Variants in TNFAIP2 observed in about 807,000 individuals in gnomAD.
TNFAIP2 encodes the protein TNF alpha induced protein 2.
A neutral mutation model predicts 63.5 loss-of-function variants in TNFAIP2; 47 were observed. The ratio of observed to expected loss-of-function variants is 0.74; its 90% confidence interval spans 0.59 to 0.94. The LOEUF is 0.94. Ranked by LOEUF, TNFAIP2 falls within the 40% of genes least tolerant of loss-of-function variation. TNFAIP2 has a pLI of 0.00. For missense variants in TNFAIP2, 787 were observed against 850.2 expected, an observed-to-expected ratio of 0.93 and a Z score of 0.92; for synonymous variants, 405 against 390.2, an observed-to-expected ratio of 1.04 and a Z score of -0.45.
chr14:103,130,995 C>T, intron 6 of TNFAIP2, 57 bp from the exon 7 acceptor site: 1 of 1,571,520 alleles, frequency 6.4e-7, no homozygotes, highest in Non-Finnish European at 8.7e-7. Context: ...AGGGAGGCTG[C>T]TGCTGTGGTC....
At position 103,127,651 on chromosome 14, in the gene TNFAIP2, C is replaced by A. The variant is rs1312784018; in HGVS notation, c.860+22C>A. On this transcript the variant is annotated intron_variant, in intron 3 of 11. Transcript: ENST00000560869. The surrounding 1 kb of genome is among the most constrained non-coding windows in gnomAD (Gnocchi z 5.1). ...CCAAGTGAGCAGACCAGGGGCTGGGCCCGGGCCGGCAGGGAGGGTGTCCTC... is the reference window on the plus strand; with the variant it reads ...CCAAGTGAGCAGACCAGGGGCTGGGACCGGGCCGGCAGGGAGGGTGTCCTC... 2.1e-6 allele frequency: 3 copies of A among 1,443,942 alleles called. No individual in the cohort carries two copies. The highest frequency in any genetic ancestry group is 2.7e-6 in the Non-Finnish European group (3 of 1,096,040). 89.4% of individuals were successfully genotyped at this position (1,443,942 alleles called of 1,614,324 possible). A position where few individuals can be genotyped will look rare whatever the true frequency, so the allele number is the denominator to read the frequency against.
upstream of TNFAIP2, among the ~76,000 whole-genome samples, chr14:103,123,171 T>C (rs1424727168): frequency 6.6e-6 from 1 of 151,932 alleles, no homozygotes; most frequent in Non-Finnish European, 1.5e-5. Flanking sequence ...GCTCCGCGCC[T>C]GACAACCCCG....
Position 103,131,991 on chromosome 14 carries a change from CGCCTGGGGCTGGG to C in TNFAIP2, c.1422+230_1422+242del, listed in dbSNP as rs2087985832. On this transcript the variant is annotated intron_variant, in intron 8 of 11. Transcript: ENST00000560869. The surrounding 1 kb of genome is among the most constrained non-coding windows in gnomAD (Gnocchi z 4.0). Reference sequence around the variant, plus strand: ...TCCTGGGGTTTCACCTGAGAGGGGCCGCCTGGGGCTGGGAGGGGCCGCCTGGGGCTGGGAGGGG... The same window carrying C: ...TCCTGGGGTTTCACCTGAGAGGGGCCAGGGGCCGCCTGGGGCTGGGAGGGG... 3.8e-4 allele frequency among the ~76,000 whole-genome samples: 2 copies of C among 5,332 alleles called. No individual in the cohort carries two copies. The highest frequency in any genetic ancestry group is 8.5e-4 in the Non-Finnish European group (2 of 2,354). 3.5% of individuals were successfully genotyped at this position (5,332 alleles called of 152,430 possible).
At chr14:103,128,480 A>G (rs1053700038) in intron 3 of TNFAIP2, among the ~76,000 whole-genome samples, 3 of 152,120 alleles carry the variant, frequency 2.0e-5, no homozygotes, top group Non-Finnish European at 2.9e-5. Context: ...GGAAAGGCCC[A>G]GGGCGGGGGA....
In TNFAIP2 at chr14:103,131,448, C is replaced by T. The variant is rs1385761824; in HGVS notation, c.1299-191C>T. Among the ~76,000 whole-genome samples the T allele has an allele frequency of 1.3e-5, 2 of 152,128 alleles. No individual in the cohort carries two copies. The highest frequency in any genetic ancestry group is 2.1e-4 in the South Asian group (1 of 4,828). ...AAACCACTGGAGGAGGCTCACTTGCCCCCAGTTACAAGGGGATGTAGTGGA... is the reference window on the plus strand; with the variant it reads ...AAACCACTGGAGGAGGCTCACTTGCTCCCAGTTACAAGGGGATGTAGTGGA... On this transcript the variant is annotated intron_variant, in intron 7 of 11. Transcript: ENST00000560869. The surrounding 1 kb of genome is among the most constrained non-coding windows in gnomAD (Gnocchi z 4.0).
At position 103,126,531 on chromosome 14, in the gene TNFAIP2, A is replaced by G; in HGVS notation, c.74A>G (p.Glu25Gly). The G allele has an allele frequency of 6.3e-7, 1 of 1,580,394 alleles. No individual in the cohort carries two copies. Among genetic ancestry groups the G allele is most frequent in the Admixed American group, 1.8e-5 (1 of 54,766 alleles). Residue 25 changes from glutamate to glycine, a missense_variant, in exon 2 of 12, where the codon GAG (glutamate) becomes GGG (glycine). Physicochemically the swap from Glu to Gly is moderately conservative, Grantham distance 98. Transcript: ENST00000560869. ...AGAAPYREEE[E>G]AAKKKKEKKK... ...GCAGCCCCATATAGGGAGGAGGAAG[A>G]GGCGGCGAAGAAGAAGAAGGAGAAG...
intron 3 of TNFAIP2, among the ~76,000 whole-genome samples, chr14:103,128,848 G>T (rs890081543): frequency 1.3e-5 from 2 of 152,218 alleles, no homozygotes; most frequent in Non-Finnish European, 2.9e-5. Flanking sequence ...CAGTGACCTC[G>T]GGGTCTGCTG....
At chr14:103,122,629 G>A (rs1453946768), upstream of TNFAIP2, 1 of 455,930 alleles carries the variant, frequency 2.2e-6, no homozygotes, top group Non-Finnish European at 4.4e-6. Context: ...GGTGTGGATG[G>A]GGAGACAGGC....
At chr14:103,133,542 A>G in intron 10 of TNFAIP2, 25 bp downstream of exon 10, 1 of 1,609,558 alleles carries the variant, frequency 6.2e-7, no homozygotes, top group Non-Finnish European at 8.5e-7. Context: ...ACCTCTCCCA[A>G]GCCCCTCTGA....
chr14:103,129,614 G>A, intron 3 of TNFAIP2, 126 bp from the exon 4 acceptor site: 1 of 740,520 alleles, frequency 1.4e-6, no homozygotes, highest in Admixed American at 2.4e-5. Context: ...GACCGGGTGG[G>A]GGTGCGGGAG....
In TNFAIP2 at chr14:103,130,215, C is replaced by T. The variant is rs8176362; in HGVS notation, c.1098+91C>T. On this transcript the variant is annotated intron_variant, in intron 5 of 11. Transcript: ENST00000560869. Reference sequence around the variant, plus strand: ...TCCGTCCTGTGTGCATACCCATGCCCACCTCGGGGCACCCCCTCTGTTCCC... The same window carrying T: ...TCCGTCCTGTGTGCATACCCATGCCTACCTCGGGGCACCCCCTCTGTTCCC... 215 of 1,539,058 alleles carry T rather than the reference C, an allele frequency of 1.4e-4. 1 individual carries two copies. The highest frequency in any genetic ancestry group is 3.3e-4 in the South Asian group (27 of 82,642).
rs2139551380 is a variant in TNFAIP2, at chr14:103,127,141, G to A, written c.372G>A (p.Lys124=). Residue 124 remains lysine (K), a synonymous_variant, in exon 3 of 12, where the codon AAG becomes AAA. Transcript: ENST00000560869. The surrounding 1 kb of genome is among the most constrained non-coding windows in gnomAD (Gnocchi z 5.1). ...AGGAGCTGGTGCGGCGCCAGAGCAAGGTGGAGGCGCTGTACGAGCTGCTGC... is the reference window on the plus strand; with the variant it reads ...AGGAGCTGGTGCGGCGCCAGAGCAAAGTGGAGGCGCTGTACGAGCTGCTGC... ...SEEELVRRQS[K]VEALYELLRD... is the part of the protein sequence containing the mutation. The A allele has an allele frequency of 1.8e-6, 2 of 1,104,140 alleles. No homozygotes were observed. The highest frequency in any genetic ancestry group is 5.4e-5 in the Admixed American group (1 of 18,614). 68.4% of individuals were successfully genotyped at this position (1,104,140 alleles called of 1,614,324 possible).
rs371996027 is a variant in TNFAIP2, at chr14:103,134,776, G to T, written c.1824-443G>T. On this transcript the variant is annotated intron_variant, in intron 11 of 11. Transcript: ENST00000560869. ...ATGCAATGAAGTACAAGGGAAGCCA[G>T]GTCTCAGTCCTCCCTTAAGTAGCTC... Among the ~76,000 whole-genome samples the T allele has an allele frequency of 1.5e-4, 23 of 152,310 alleles. 1 individual carries two copies. Among genetic ancestry groups the T allele is most frequent in the Admixed American group, 8.5e-4 (13 of 15,302 alleles).
At chr14:103,133,277 G>A (rs2088024462) in intron 9 of TNFAIP2, 85 bp from the exon 10 acceptor site, 1 of 1,516,142 alleles carries the variant, frequency 6.6e-7, no homozygotes, top group Admixed American at 2.1e-5. Context: ...CCTCTCTCTG[G>A]AGGCCTGGCT....
In TNFAIP2 at chr14:103,133,498, A is replaced by G. The variant is rs778343099; in HGVS notation, c.1682A>G (p.Gln561Arg). ...GYILANADTIQHFCTQHGSPA... is the reference protein window; with the variant it reads ...GYILANADTIRHFCTQHGSPA... ...ATCCTGGCCAATGCTGACACCATCCAGCACTTCTGCACCCAGCACGTAAGC... is the reference window on the plus strand; with the variant it reads ...ATCCTGGCCAATGCTGACACCATCCGGCACTTCTGCACCCAGCACGTAAGC... The change falls in exon 10 of 12, where the codon CAG becomes CGG. Residue 561 changes from glutamine (Q) to arginine (R), a missense_variant. Physicochemically the swap from Gln to Arg is conservative, Grantham distance 43 (BLOSUM62 1). Around this residue, in one of 3 missense-constraint regions of TNFAIP2, gnomAD observed 523 missense variants for 604.1 expected, o/e 0.87. Transcript: ENST00000560869. 3.1e-6 allele frequency: 5 copies of G among 1,613,928 alleles called. No homozygotes were observed. In the South Asian group the frequency reaches 5.5e-5, roughly 18 times the overall value.
chr14:103,127,647 T>TGGGC lies in TNFAIP2; in HGVS notation c.860+19_860+22dup, dbSNP rs748568704. ...TACCCCAAGTGAGCAGACCAGGGGC[T>TGGGC]GGGCCCGGGCCGGCAGGGAGGGTGT... On this transcript the variant is annotated intron_variant, in intron 3 of 11. Transcript: ENST00000560869. The surrounding 1 kb of genome is among the most constrained non-coding windows in gnomAD (Gnocchi z 5.1). The TGGGC allele has an allele frequency of 3.9e-5, 56 of 1,450,504 alleles. No homozygotes were observed. Among genetic ancestry groups the TGGGC allele is most frequent in the South Asian group, 2.1e-4 (15 of 71,878 alleles). 89.9% of individuals were successfully genotyped at this position (1,450,504 alleles called of 1,614,324 possible).
chr14:103,130,829 A>G (rs1319924286), intron 6 of TNFAIP2, among the ~76,000 whole-genome samples: 1 of 152,072 alleles, frequency 6.6e-6, no homozygotes, highest in Non-Finnish European at 1.5e-5. Context: ...AACTCTAGAG[A>G]GGGCCTGGGA....
At position 103,127,520 on chromosome 14, in the gene TNFAIP2, G is replaced by T. The variant is rs747632402; in HGVS notation, c.751G>T (p.Glu251Ter). The T allele has an allele frequency of 5.7e-6, 9 of 1,589,562 alleles. No individual in the cohort carries two copies. Residue 251 changes from glutamate (E) to a stop codon, truncating the protein, a stop_gained, in exon 3 of 12, where the codon GAG (glutamate) becomes TAG (stop). Coordinates refer to ENST00000560869, the MANE Select transcript of TNFAIP2 (RefSeq NM_006291.4). LOFTEE classifies it high-confidence loss of function. This position sits in a 1 kb window ranked among gnomAD's most constrained non-coding sequence, Gnocchi z 5.1. Reference sequence around the variant, plus strand: ...GTTCGGCGTCGTGGCGGCCTACGCCGAGAGCTACCACCAGCACTTCGCGGC... The same window carrying T: ...GTTCGGCGTCGTGGCGGCCTACGCCTAGAGCTACCACCAGCACTTCGCGGC... Reference protein sequence around the residue: ...AEFGVVAAYAESYHQHFAAHL... With the variant: ...AEFGVVAAYA
In TNFAIP2 at chr14:103,131,060, G is replaced by C; in HGVS notation, c.1208G>C (p.Arg403Pro). 1 of 1,614,186 alleles carries C rather than the reference G, an allele frequency of 6.2e-7. No individual in the cohort carries two copies. The highest frequency in any genetic ancestry group is 8.5e-7 in the Non-Finnish European group (1 of 1,180,036). ...CCTTCTGGTTTCGCCAGCTACCAGC[G>C]CGCCTTTAATGAATTTCTGGAGAGA... is the stretch of plus-strand genomic sequence containing the variant. Reference protein sequence around the residue: ...ELPAFLRSYQRAFNEFLERGK... With the variant: ...ELPAFLRSYQPAFNEFLERGK... The change falls in exon 7 of 12, where the codon CGC becomes CCC. Residue 403 changes from arginine (R) to proline (P), a missense_variant. Arg to Pro is a moderately radical substitution (Grantham distance 103). Coordinates refer to ENST00000560869, the MANE Select transcript of TNFAIP2 (RefSeq NM_006291.4). The surrounding 1 kb of genome is among the most constrained non-coding windows in gnomAD (Gnocchi z 4.0).
Sources: allele counts gnomAD v4.1 joint callset (sites outside exome capture counted in the v4.1 genomes callset), GRCh38; gene constraint gnomAD v4.1.1; regional missense constraint gnomAD v4.1.1; non-coding constraint Gnocchi (gnomAD v3.1); transcripts MANE v1.5; gene names NCBI Gene and HGNC (gene_info 2026-07-23, HGNC 2026-07-21).